Variants in FHOD3 observed in about 807,000 individuals in gnomAD.
FHOD3 encodes formin homology 2 domain containing 3.
A neutral mutation model predicts 173.0 loss-of-function variants in FHOD3; 90 were observed. The ratio of observed to expected loss-of-function variants is 0.52; its 90% CI spans 0.44 to 0.62. The LOEUF is 0.62. Among genes scored for constraint, FHOD3 ranks in the 20% least tolerant of loss-of-function variants. The probability of loss-of-function intolerance (pLI) is 0.00; values close to 1 mark genes in which losing one functional copy is unlikely to be tolerated. For missense variants in FHOD3, 1,945 were observed against 2,034.7 expected (o/e 0.96, Z 0.85); for synonymous variants, 828 against 823.0 (o/e 1.01, Z -0.10).
intron 25 of FHOD3, 114 bp downstream of exon 25, chr18:36,755,425 T>G (rs2042590827): frequency 9.0e-6 from 5 of 552,736 alleles, no homozygotes; most frequent in South Asian, 4.9e-5. Context: ...TTTTTTTTTT[T>G]GACTATAAAA....
At chr18:36,480,817 G>T (rs1054389921) in intron 3 of FHOD3, among the ~76,000 whole-genome samples, 13 of 152,158 alleles carry the variant, frequency 8.5e-5, no homozygotes, top group Admixed American at 5.9e-4. Context: ...TCTCAATTAA[G>T]GTTCATCACC....
At chr18:36,406,090 TTTTTG>T (rs1344157028) in intron 3 of FHOD3, among the ~76,000 whole-genome samples, 2 of 132,388 alleles carry the variant, frequency 1.5e-5, no homozygotes, top group African/African-American at 5.6e-5. Flanking sequence ...TTTGTTTTTG[TTTTTG>T]TTTTTTTGTT....
chr18:36,649,476 C>T, intron 11 of FHOD3, 71 bp downstream of exon 11: 2 of 1,186,384 alleles, frequency 1.7e-6, no homozygotes, highest in Middle Eastern at 2.5e-4. Flanking sequence ...AGTTCACTGC[C>T]TTCTAGTGGC....
In FHOD3 at chr18:36,693,388, C is replaced by T; in HGVS notation, c.2201C>T (p.Ser734Phe). Residue 734 changes from serine (S) to phenylalanine (F), a missense_variant, in exon 17 of 29, where the codon TCT becomes TTT. This residue lies in a region of FHOD3 where 1,099 missense variants were observed against 1,051.2 expected (regional missense o/e 1.05). Transcript: ENST00000590592. ...GACTCTCAAGAGGCTCTCACGGTGTCTGCCTCCTCCCCAGGAACCCCTCAC... is the reference window on the plus strand; with the variant it reads ...GACTCTCAAGAGGCTCTCACGGTGTTTGCCTCCTCCCCAGGAACCCCTCAC... ...SSDSQEALTV[S>F]ASSPGTPHHP... The T allele has an allele frequency of 6.2e-7, 1 of 1,613,874 alleles. No homozygotes were observed. Among genetic ancestry groups the T allele is most frequent in the Non-Finnish European group, 8.5e-7 (1 of 1,179,864 alleles).
intron 2 of FHOD3, among the ~76,000 whole-genome samples, chr18:36,356,108 A>G (rs146896110): frequency 6.6e-6 from 1 of 152,202 alleles, no homozygotes; most frequent in Non-Finnish European, 1.5e-5. Context: ...AAAAGTGAAT[A>G]AATAAATGGA....
intron 5 of FHOD3, among the ~76,000 whole-genome samples, chr18:36,516,516 GAGA>G (rs2055987764): frequency 6.6e-6 from 1 of 152,222 alleles, no homozygotes; most frequent in South Asian, 2.1e-4. Flanking sequence ...CCCCGTGTGG[GAGA>G]AGGTTGGGGT....
intron 21 of FHOD3, among the ~76,000 whole-genome samples, chr18:36,741,840 C>G (rs1441062787): frequency 6.6e-6 from 1 of 151,944 alleles, no homozygotes. Flanking sequence ...GAGCAAGGTC[C>G]TGTACTGAGG....
chr18:36,647,937 G>A (rs749045888), intron 10 of FHOD3, among the ~76,000 whole-genome samples: 1 of 152,124 alleles, frequency 6.6e-6, no homozygotes, highest in Non-Finnish European at 1.5e-5. Flanking sequence ...TTAGATAGGT[G>A]TGTTTATTTT....
chr18:36,610,671 C>A (rs142240198), intron 8 of FHOD3, among the ~76,000 whole-genome samples: 101 of 152,302 alleles, frequency 6.6e-4, no homozygotes, highest in South Asian at 1.2e-3. Context: ...TGAATAGAGG[C>A]CTTCTTTCCA....
intron 20 of FHOD3, among the ~76,000 whole-genome samples, 160 bp downstream of exon 20, chr18:36,730,964 G>C (rs1050529245): frequency 3.3e-5 from 5 of 152,116 alleles, no homozygotes; most frequent in African/African-American, 9.7e-5. Context: ...TTTGAGGGGA[G>C]GGGGAGTCTC....
chr18:36,511,769 C>A (rs557211950), intron 4 of FHOD3, among the ~76,000 whole-genome samples: 3 of 152,184 alleles, frequency 2.0e-5, no homozygotes, highest in Non-Finnish European at 2.9e-5. Flanking sequence ...TGAGAACCAC[C>A]GGATGAGATG....
At chr18:36,490,569 G>T (rs537415737) in intron 3 of FHOD3, among the ~76,000 whole-genome samples, 1 of 152,206 alleles carries the variant, frequency 6.6e-6, no homozygotes, top group Non-Finnish European at 1.5e-5. Context: ...GCAGCCTCTT[G>T]GTGAATAGCT....
chr18:36,300,485 T>G (rs1276252664), intron 1 of FHOD3, among the ~76,000 whole-genome samples: 1 of 152,178 alleles, frequency 6.6e-6, no homozygotes, highest in Non-Finnish European at 1.5e-5. Flanking sequence ...TGCTGTGAAT[T>G]AGCTATTGAG....
intron 19 of FHOD3, among the ~76,000 whole-genome samples, chr18:36,721,661 A>AG (rs1295743487): frequency 1.3e-5 from 2 of 152,198 alleles, no homozygotes; most frequent in Admixed American, 1.3e-4. Context: ...AAGCAAAAAA[A>AG]CAACAAACCC....
Position 36,426,057 on chromosome 18 carries a change from A to G in FHOD3, c.337+53313A>G, listed in dbSNP as rs550536265. Reference sequence around the variant, plus strand: ...GCAGCTGGGACTACAGGCGGCCACCACCATGCCCGGCTAATTTTTTGTATT... The same window carrying G: ...GCAGCTGGGACTACAGGCGGCCACCGCCATGCCCGGCTAATTTTTTGTATT... On this transcript the variant is annotated intron_variant, in intron 3 of 28. Coordinates refer to ENST00000590592, the MANE Select transcript of FHOD3 (RefSeq NM_001281740.3). Among the ~76,000 whole-genome samples, 10 of 135,814 alleles carry G rather than the reference A, an allele frequency of 7.4e-5. No individual in the cohort carries two copies. The South Asian group carries it at 1.8e-3, about 25-fold the overall frequency. 89.1% of individuals were successfully genotyped at this position (135,814 alleles called of 152,430 possible).
At chr18:36,747,995 C>T (rs1382205143) in intron 24 of FHOD3, among the ~76,000 whole-genome samples, 1 of 152,056 alleles carries the variant, frequency 6.6e-6, no homozygotes, top group Non-Finnish European at 1.5e-5. Context: ...ATACTTTTAT[C>T]TGCACATGAA....
intron 2 of FHOD3, among the ~76,000 whole-genome samples, chr18:36,371,010 A>G (rs1449496883): frequency 6.6e-6 from 1 of 152,208 alleles, no homozygotes; most frequent in Non-Finnish European, 1.5e-5. Context: ...TGTGGAGAAT[A>G]TGTTTTTGTG....
chr18:36,481,897 A>G lies in FHOD3; in HGVS notation c.338-20035A>G, dbSNP rs73947175. On this transcript the variant is annotated intron_variant, in intron 3 of 28. Transcript: ENST00000590592. ...TGCTGTTAATCTAGTTGAAAGTGAG[A>G]ACAAATTAATTCATGTTTCCTCAAC... 7.2e-3 allele frequency among the ~76,000 whole-genome samples: 1,099 copies of G among 152,292 alleles called. 11 individuals carry two copies. The highest frequency in any genetic ancestry group is 0.025 in the African/African-American group (1,053 of 41,570).
At chr18:36,627,192 C>G (rs1467019823) in intron 10 of FHOD3, among the ~76,000 whole-genome samples, 2 of 152,196 alleles carry the variant, frequency 1.3e-5, no homozygotes, top group African/African-American at 4.8e-5. Flanking sequence ...AAGCTCTCTT[C>G]CAGCTGGCTT....
Sources: allele counts gnomAD v4.1 joint callset (sites outside exome capture counted in the v4.1 genomes callset), GRCh38; gene constraint gnomAD v4.1.1; regional missense constraint gnomAD v4.1.1; transcripts MANE v1.5; gene names NCBI Gene and HGNC (gene_info 2026-07-23, HGNC 2026-07-21).